ARMC8: variants seen among roughly 807,000 people sequenced by gnomAD.
The protein encoded by ARMC8 is armadillo repeat containing 8.
Under a neutral mutation model 99.3 loss-of-function variants are expected in ARMC8, and 20 were observed. That is an observed-to-expected ratio of 0.20 (90% CI 0.14 to 0.29). The LOEUF is 0.29. Ranked by LOEUF, ARMC8 falls within the 10% of genes least tolerant of loss-of-function variation. The pLI is 1.00. For missense variants in ARMC8, 569 were observed against 809.5 expected (o/e 0.70, Z 3.60); for synonymous variants, 263 against 278.3 (o/e 0.95, Z 0.55).
intron 1 of ARMC8, among the ~76,000 whole-genome samples, chr3:138,200,350 G>A (rs528191088): frequency 4.3e-4 from 61 of 143,176 alleles, no homozygotes; most frequent in African/African-American, 1.8e-3. Context: ...TGAAATGAAT[G>A]ACTTTTGGTA....
At chr3:138,254,535 A>G (rs1293668456) in intron 12 of ARMC8, among the ~76,000 whole-genome samples, 2 of 152,242 alleles carry the variant, frequency 1.3e-5, no homozygotes, top group Non-Finnish European at 2.9e-5. Context: ...AGTTGTTTGC[A>G]TCATAATTTA....
chr3:138,283,233 G>A (rs1157434121), intron 18 of ARMC8, among the ~76,000 whole-genome samples: 1 of 152,168 alleles, frequency 6.6e-6, no homozygotes, highest in Non-Finnish European at 1.5e-5. Context: ...CACGCTTTAG[G>A]ATATTTTGGG....
chr3:138,284,010 G>C (rs1352636131), intron 18 of ARMC8, among the ~76,000 whole-genome samples: 1 of 152,214 alleles, frequency 6.6e-6, no homozygotes. Flanking sequence ...GCTTCCCTGG[G>C]AGGGGAGTTG....
rs529036882 is a variant in ARMC8 at position 138,286,194 on chromosome 3, C to T, written c.1821+1668C>T. Among the ~76,000 whole-genome samples the T allele has an allele frequency of 8.6e-4, 131 of 152,288 alleles. 2 individuals carry two copies. In the South Asian group the frequency reaches 0.02, roughly 24 times the overall value. Reference sequence around the variant, plus strand: ...CTGATCTCAAATGATCCACCTGTCTCGGCCTCCCAAAGTGCTGGGATTACA... The same window carrying T: ...CTGATCTCAAATGATCCACCTGTCTTGGCCTCCCAAAGTGCTGGGATTACA... On this transcript the variant is annotated intron_variant, in intron 19 of 21. Coordinates refer to ENST00000469044, the MANE Select transcript of ARMC8 (RefSeq NM_001363941.2).
chr3:138,290,625 A>G lies in ARMC8; in HGVS notation c.1974A>G (p.Ser658=). 6.2e-7 allele frequency: 1 copy of G among 1,601,598 alleles called. No individual in the cohort carries two copies. The highest frequency in any genetic ancestry group is 8.5e-7 in the Non-Finnish European group (1 of 1,173,834). Residue 658 remains serine (S), a synonymous_variant, in exon 21 of 22, where the codon TCA becomes TCG. Transcript: ENST00000469044. ...ACAAACTGAGTCAGTCACCAGATTC[A>G]AACCTTTGTGACAAGTGAGTATGAA... The part of the protein sequence containing the change: ...ILHKLSQSPD[S]NLCDKAKMAL...
chr3:138,271,419 T>C (rs2048773785), intron 16 of ARMC8, among the ~76,000 whole-genome samples: 1 of 152,222 alleles, frequency 6.6e-6, no homozygotes, highest in Non-Finnish European at 1.5e-5. Flanking sequence ...GAAATCTACA[T>C]ATCCAGATGT....
chr3:138,246,407 T>C (rs1030679619), intron 12 of ARMC8: 2 of 978,644 alleles, frequency 2.0e-6, no homozygotes, highest in Non-Finnish European at 2.4e-6. Context: ...ACTAGTGATA[T>C]ATATATGATT....
chr3:138,278,622 C>A (rs1325092971), intron 18 of ARMC8, among the ~76,000 whole-genome samples: 2 of 152,014 alleles, frequency 1.3e-5, no homozygotes, highest in African/African-American at 2.4e-5. Context: ...GGATTTCGAT[C>A]GTATTGTATT....
chr3:138,224,253 C>G (rs1414510611), intron 5 of ARMC8, among the ~76,000 whole-genome samples: 1 of 151,036 alleles, frequency 6.6e-6, no homozygotes, highest in Non-Finnish European at 1.5e-5. Flanking sequence ...CCACTGCGCC[C>G]GACAACAAGA....
chr3:138,287,881 G>T, intron 19 of ARMC8: 1 of 288,002 alleles, frequency 3.5e-6, no homozygotes, highest in East Asian at 8.1e-5. Context: ...TGACCAATAG[G>T]ACAATCATCT....
chr3:138,278,364 G>A (rs2049515636), intron 18 of ARMC8, among the ~76,000 whole-genome samples: 2 of 151,942 alleles, frequency 1.3e-5, no homozygotes, highest in Admixed American at 1.3e-4. Context: ...AAATTAGCCA[G>A]GTATGGTCAC....
At position 138,256,402 on chromosome 3, in the gene ARMC8, C is replaced by CTTTTTTTTTTTTTT. The variant is rs71146121; in HGVS notation, c.1135-7325_1135-7312dup. Among the ~76,000 whole-genome samples the CTTTTTTTTTTTTTT allele has an allele frequency of 2.3e-4, 21 of 90,304 alleles. 2 individuals are homozygous for CTTTTTTTTTTTTTT. Among genetic ancestry groups the CTTTTTTTTTTTTTT allele is most frequent in the African/African-American group, 6.8e-4 (15 of 22,044 alleles). 59.2% of individuals were successfully genotyped at this position (90,304 alleles called of 152,430 possible). A position where few individuals can be genotyped will look rare whatever the true frequency, so the allele number is the denominator to read the frequency against. Reference sequence around the variant, plus strand: ...TAAAGTATATCTTTTTTTCCTCCTTCTTTTTTTTTTTTTTTTTTTTTTTTT... The same window carrying CTTTTTTTTTTTTTT: ...TAAAGTATATCTTTTTTTCCTCCTTCTTTTTTTTTTTTTTTTTTTTTTTTTTTTTTTTTTTTTTT... On this transcript the variant is annotated intron_variant, in intron 12 of 21. Transcript: ENST00000469044.
chr3:138,246,141 A>T (rs748932840), intron 12 of ARMC8: 9 of 985,626 alleles, frequency 9.1e-6, no homozygotes, highest in Non-Finnish European at 1.1e-5. Flanking sequence ...GAACAACCTT[A>T]CATTTGTTGA....
chr3:138,187,717 A>G, intron 1 of ARMC8, 118 bp downstream of exon 1: 1 of 1,151,354 alleles, frequency 8.7e-7, no homozygotes, highest in Non-Finnish European at 1.2e-6. Context: ...ACCCCGGCTC[A>G]GTCTCGGGCC....
At chr3:138,218,786 AGTT>A (rs2045229352) in intron 2 of ARMC8, among the ~76,000 whole-genome samples, 2 of 152,350 alleles carry the variant, frequency 1.3e-5, no homozygotes, top group African/African-American at 4.8e-5. Flanking sequence ...CTCAAAAACT[AGTT>A]GTTGAATTTC....
chr3:138,285,903 C>T (rs1261443363), intron 19 of ARMC8, among the ~76,000 whole-genome samples: 1 of 152,074 alleles, frequency 6.6e-6, no homozygotes, highest in Non-Finnish European at 1.5e-5. Flanking sequence ...CTTCTCATAC[C>T]CATCGAGACA....
rs991614608 is a variant in ARMC8 at position 138,266,749 on chromosome 3, C to G, written c.1300-406C>G. 6.6e-5 allele frequency among the ~76,000 whole-genome samples: 10 copies of G among 152,160 alleles called. No individual in the cohort carries two copies. The East Asian group carries it at 1.9e-3, about 29-fold the overall frequency. ...TCGTCAGTGCTCCTGGTCAAACAAG[C>G]CCTTCTAAGGACACATCAGAAAGTC... On this transcript the variant is annotated intron_variant, in intron 14 of 21. Transcript: ENST00000469044.
intron 2 of ARMC8, among the ~76,000 whole-genome samples, chr3:138,212,946 C>G (rs1295690480): frequency 6.6e-6 from 1 of 152,182 alleles, no homozygotes; most frequent in Non-Finnish European, 1.5e-5. Flanking sequence ...TTTTCTGGCT[C>G]TTTCAAGTTT....
rs376260389 is a variant in ARMC8 at position 138,266,641 on chromosome 3, A to G, written c.1300-514A>G. On this transcript the variant is annotated intron_variant, in intron 14 of 21. Coordinates refer to ENST00000469044, the MANE Select transcript of ARMC8 (RefSeq NM_001363941.2). The stretch of plus-strand genomic sequence containing the variant: ...CTCAGGCTAGTTAGTGGAAGTGTCC[A>G]GTTGGAACTAGGTCTGTGTGATTCC... 1.2e-4 allele frequency among the ~76,000 whole-genome samples: 18 copies of G among 152,330 alleles called. No homozygotes were observed. In the South Asian group the frequency reaches 3.5e-3, roughly 30 times the overall value.
Sources: gnomAD v4.1 joint callset for allele counts (sites outside exome capture counted in the v4.1 genomes callset) on GRCh38, gnomAD v4.1.1 for gene constraint, MANE v1.5 for transcripts, NCBI Gene and HGNC (gene_info 2026-07-23, HGNC 2026-07-21) for gene names.